The following NFIB variants were observed in gnomAD, a reference collection of about 807,000 sequenced individuals.
The protein encoded by NFIB is nuclear factor I B, also known as nuclear factor 1 B-type.
Under a neutral mutation model 61.5 loss-of-function variants are expected in NFIB, and 11 were observed. That is an observed-to-expected ratio of 0.18 (90% CI 0.11 to 0.30). The LOEUF is 0.30. Ranked by LOEUF, NFIB falls within the 10% of genes least tolerant of loss-of-function variation. The probability of loss-of-function intolerance (pLI) is 1.00; values close to 1 mark genes in which losing one functional copy is unlikely to be tolerated. For synonymous variants in NFIB, 260 were observed against 216.5 expected, an observed-to-expected ratio of 1.20 and a Z score of -1.76; for missense variants, 471 against 608.9, an observed-to-expected ratio of 0.77 and a Z score of 2.38.
chr9:14,106,533 G>A (rs970411373), intron 10 of NFIB, among the ~76,000 whole-genome samples: 1 of 152,042 alleles, frequency 6.6e-6, no homozygotes. Flanking sequence ...TCTGGAAAGA[G>A]AACCTTGTTC....
At chr9:14,411,351 G>A in the NFIB span, among the ~76,000 whole-genome samples, 3 of 152,060 alleles carry the variant, frequency 2.0e-5, no homozygotes, top group South Asian at 2.1e-4. Flanking sequence ...ACAATTTGTC[G>A]ATTGATCTAT....
intron 2 of NFIB, among the ~76,000 whole-genome samples, chr9:14,231,135 A>AAAAAAAAAAAATATAT (rs55959148): frequency 2.8e-5 from 1 of 35,344 alleles, no homozygotes; most frequent in Non-Finnish European, 5.4e-5. Flanking sequence ...AAAAAAAAAA[A>AAAAAAAAAAAATATAT]ATATATATAT....
At chr9:14,402,007 T>C (rs539655401), upstream of NFIB, among the ~76,000 whole-genome samples, 5 of 152,316 alleles carry the variant, frequency 3.3e-5, no homozygotes, top group African/African-American at 1.2e-4. Flanking sequence ...CATGTACCCC[T>C]GGACACAAAC....
intron 3 of NFIB, among the ~76,000 whole-genome samples, chr9:14,160,003 C>A (rs1004949620): frequency 6.6e-6 from 1 of 152,184 alleles, no homozygotes; most frequent in Non-Finnish European, 1.5e-5. Flanking sequence ...ATGAGCATCT[C>A]TGAGGCAGAG....
At chr9:14,215,944 T>A (rs1217586892) in intron 2 of NFIB, among the ~76,000 whole-genome samples, 1 of 152,214 alleles carries the variant, frequency 6.6e-6, no homozygotes, top group Non-Finnish European at 1.5e-5. Context: ...AATTGCTTTA[T>A]GTAAATTCTC....
At chr9:14,263,818 T>G (rs1297322879) in intron 2 of NFIB, among the ~76,000 whole-genome samples, 1 of 152,204 alleles carries the variant, frequency 6.6e-6, no homozygotes, top group Non-Finnish European at 1.5e-5. Context: ...GCGTAATCCG[T>G]GAAACCCAAA....
At chr9:14,481,300 C>G in the NFIB span, among the ~76,000 whole-genome samples, 3 of 142,824 alleles carry the variant, frequency 2.1e-5, no homozygotes, top group Non-Finnish European at 4.5e-5. Context: ...CTCCAGAGTT[C>G]TTGAGCTCCA....
chr9:14,248,275 T>G (rs12346458), intron 2 of NFIB, among the ~76,000 whole-genome samples: 33,165 of 149,476 alleles, frequency 0.22, 4,877 homozygotes, highest in African/African-American at 0.4. Context: ...CCTTCCCACC[T>G]AAACTGCCCT....
intron 3 of NFIB, among the ~76,000 whole-genome samples, chr9:14,156,845 C>A (rs560964475): frequency 3.9e-5 from 6 of 152,146 alleles, no homozygotes; most frequent in Non-Finnish European, 7.3e-5. Context: ...TGAAATACAT[C>A]TGAGAAACAA....
At chr9:14,097,855 T>G (rs1201748113) in intron 10 of NFIB, among the ~76,000 whole-genome samples, 1 of 149,136 alleles carries the variant, frequency 6.7e-6, no homozygotes, top group Non-Finnish European at 1.5e-5. Flanking sequence ...CCACACTTTT[T>G]TTTTCTTTCT....
intron 2 of NFIB, among the ~76,000 whole-genome samples, chr9:14,222,775 A>C (rs2131845515): frequency 8.3e-6 from 1 of 121,152 alleles, no homozygotes; most frequent in East Asian, 2.4e-4. Flanking sequence ...CAGCCTGGGC[A>C]ACAGAGTAAG....
At chr9:14,242,349 T>A (rs568056442) in intron 2 of NFIB, among the ~76,000 whole-genome samples, 5 of 152,198 alleles carry the variant, frequency 3.3e-5, no homozygotes, top group African/African-American at 1.2e-4. Flanking sequence ...ATTGCAAACC[T>A]ACAAGGATTC....
chr9:14,178,813 C>T (rs1041990513), intron 3 of NFIB, among the ~76,000 whole-genome samples: 4 of 152,078 alleles, frequency 2.6e-5, no homozygotes, highest in African/African-American at 9.7e-5. Context: ...GAAGATCAAA[C>T]GATGGAGGAC....
At chr9:14,459,387 C>A in the NFIB span, among the ~76,000 whole-genome samples, 11 of 152,126 alleles carry the variant, frequency 7.2e-5, no homozygotes, top group Admixed American at 2.0e-4. Flanking sequence ...TAAAGACTTA[C>A]ATGTTAGACC....
chr9:14,418,793 T>C, the NFIB span, among the ~76,000 whole-genome samples: 26 of 152,222 alleles, frequency 1.7e-4, no homozygotes, highest in African/African-American at 6.0e-4. Flanking sequence ...CTGGGAACAC[T>C]TCCAAATTTA....
chr9:14,396,860 T>C (rs1057218688), intron 1 of NFIB, among the ~76,000 whole-genome samples: 2 of 152,152 alleles, frequency 1.3e-5, no homozygotes, highest in African/African-American at 2.4e-5. Context: ...GCCTGTGGTC[T>C]TTGAGCCATT....
chr9:14,481,218 T>TATATATGTATATATATATGTAC, the NFIB span, among the ~76,000 whole-genome samples: 16 of 114,214 alleles, frequency 1.4e-4, 1 homozygote, highest in Non-Finnish European at 2.0e-4. Flanking sequence ...TATATATATA[T>TATATATGTATATATATATGTAC]ATATATATAT....
chr9:14,496,987 G>A, the NFIB span, among the ~76,000 whole-genome samples: 461 of 152,240 alleles, frequency 3.0e-3, 1 homozygote, highest in Middle Eastern at 0.027. Context: ...TAGTCTTTTA[G>A]GAACAAACCA....
chr9:14,498,498 G>C, the NFIB span, among the ~76,000 whole-genome samples: 44 of 152,148 alleles, frequency 2.9e-4, 1 homozygote, highest in African/African-American at 9.9e-4. Flanking sequence ...CTTTGAATAC[G>C]ATGGACAAAA....
Sources: allele counts gnomAD v4.1 joint callset (sites outside exome capture counted in the v4.1 genomes callset), GRCh38; gene constraint gnomAD v4.1.1; transcripts MANE v1.5; gene names NCBI Gene and HGNC (gene_info 2026-07-23, HGNC 2026-07-21).